The following ERCC8 variants were observed in gnomAD, a reference collection of about 807,000 sequenced individuals.
ERCC8 encodes the protein DNA excision repair protein ERCC-8.
ERCC8 carries 52 observed loss-of-function variants against 54.9 expected under a neutral mutation model. The ratio of observed to expected loss-of-function variants is 0.95; its 90% CI spans 0.76 to 1.19. ERCC8 has a LOEUF of 1.19. Ranked by LOEUF, ERCC8 falls within the 50% of genes most tolerant of loss-of-function variation. The pLI, the probability that ERCC8 is intolerant of heterozygous loss-of-function variation, is 0.00. For missense variants in ERCC8, 514 were observed against 466.1 expected (o/e 1.10, Z -0.95); for synonymous variants, 146 against 157.2 (o/e 0.93, Z 0.53).
At chr5:60,900,206 A>G (rs1748835826) in intron 7 of ERCC8, among the ~76,000 whole-genome samples, 1 of 152,064 alleles carries the variant, frequency 6.6e-6, no homozygotes, top group South Asian at 2.1e-4. Flanking sequence ...AATAATGAGG[A>G]CAATGCATTT....
intron 2 of ERCC8, among the ~76,000 whole-genome samples, chr5:60,925,524 T>C (rs776260422): frequency 2.0e-5 from 3 of 152,222 alleles, no homozygotes; most frequent in South Asian, 2.1e-4. Flanking sequence ...TGAGCTGCTG[T>C]AGTCAAATTT....
chr5:60,881,192 A>C (rs543352993), intron 11 of ERCC8, among the ~76,000 whole-genome samples: 71 of 152,250 alleles, frequency 4.7e-4, no homozygotes, highest in African/African-American at 1.6e-3. Flanking sequence ...GGTGAATAGC[A>C]AATGTTGCTA....
At chr5:60,892,676 G>T in intron 9 of ERCC8, 1 of 666,518 alleles carries the variant, frequency 1.5e-6, no homozygotes, top group East Asian at 2.7e-5. Context: ...CTGGGGTCAT[G>T]GGGTCTGCCA....
chr5:60,880,408 G>A (rs1042101196), intron 11 of ERCC8, among the ~76,000 whole-genome samples: 4 of 152,134 alleles, frequency 2.6e-5, no homozygotes, highest in Non-Finnish European at 5.9e-5. Flanking sequence ...TTGAATGTTG[G>A]CCTGACTTGC....
chr5:60,900,142 G>A (rs1748834158), intron 7 of ERCC8, among the ~76,000 whole-genome samples: 1 of 151,812 alleles, frequency 6.6e-6, no homozygotes, highest in South Asian at 2.1e-4. Flanking sequence ...GAATCCATTT[G>A]GTATGATTTG....
chr5:60,878,561 T>C (rs1039104304), intron 11 of ERCC8, among the ~76,000 whole-genome samples: 1 of 152,210 alleles, frequency 6.6e-6, no homozygotes, highest in African/African-American at 2.4e-5. Context: ...CTGTTATTGG[T>C]CTATTCAGAG....
chr5:60,879,275 A>T (rs1393930046), intron 11 of ERCC8, among the ~76,000 whole-genome samples: 2 of 151,964 alleles, frequency 1.3e-5, no homozygotes, highest in Non-Finnish European at 2.9e-5. Flanking sequence ...TGCTGAGGAG[A>T]GCTTTACTTC....
intron 11 of ERCC8, among the ~76,000 whole-genome samples, chr5:60,881,629 G>A (rs1262878919): frequency 2.6e-5 from 4 of 152,324 alleles, no homozygotes; most frequent in East Asian, 3.9e-4. Context: ...AGCAATGGGC[G>A]AGGCTCTGTG....
intron 11 of ERCC8, among the ~76,000 whole-genome samples, chr5:60,883,773 C>A (rs1044077933): frequency 6.6e-6 from 1 of 152,070 alleles, no homozygotes; most frequent in Admixed American, 6.5e-5. Context: ...AGATCTCAGG[C>A]AGGAAAAAGT....
chr5:60,909,243 GAAAAAAAAAAAAAAAAAAAAA>G (rs60064294), intron 4 of ERCC8, among the ~76,000 whole-genome samples: 1,913 of 20,034 alleles, frequency 0.095, 96 homozygotes, highest in African/African-American at 0.26. Context: ...GCCCTATTCT[GAAAAAAAAAAAAAAAAAAAAA>G]AAAAAAAAAA....
chr5:60,887,473 T>C lies in ERCC8; in HGVS notation c.1089A>G (p.Pro363=). 2 of 1,613,984 alleles carry C rather than the reference T, an allele frequency of 1.2e-6. No individual in the cohort carries two copies. Among genetic ancestry groups the C allele is most frequent in the South Asian group, 2.2e-5 (2 of 91,080 alleles). The change falls in exon 11 of 12, where the codon CCA becomes CCG. Residue 363 remains proline (P), a synonymous_variant. Coordinates refer to ENST00000676185, the MANE Select transcript of ERCC8 (RefSeq NM_000082.4). Reference sequence around the variant, plus strand: ...CATCAGGAACTGGTTCATATAAGGATGGAACCCAAGCCAGAATGTTGCAGT... The same window carrying C: ...CATCAGGAACTGGTTCATATAAGGACGGAACCCAAGCCAGAATGTTGCAGT... ...SRDCNILAWV[P]SLYEPVPDDD...
At chr5:60,881,640 G>T (rs1748230234) in intron 11 of ERCC8, among the ~76,000 whole-genome samples, 1 of 152,198 alleles carries the variant, frequency 6.6e-6, no homozygotes, top group Admixed American at 6.5e-5. Context: ...AGGCTCTGTG[G>T]GCGTCGGACC....
intron 1 of ERCC8, among the ~76,000 whole-genome samples, chr5:60,938,723 T>C (rs954302503): frequency 1.3e-5 from 2 of 152,248 alleles, no homozygotes; most frequent in Non-Finnish European, 2.9e-5. Context: ...ACAAAAAGTA[T>C]GTACGTTCTC....
chr5:60,881,136 C>T (rs913502391), intron 11 of ERCC8, among the ~76,000 whole-genome samples: 11 of 148,630 alleles, frequency 7.4e-5, no homozygotes, highest in African/African-American at 2.8e-4. Flanking sequence ...CCCCTCCAGA[C>T]CGTTTGCCTG....
At chr5:60,941,654 G>A (rs1010961732) in intron 1 of ERCC8, among the ~76,000 whole-genome samples, 3 of 152,126 alleles carry the variant, frequency 2.0e-5, no homozygotes, top group African/African-American at 2.4e-5. Context: ...AACTAAAGAC[G>A]AAGTCTTCAA....
chr5:60,883,074 C>T (rs905245958), intron 11 of ERCC8, among the ~76,000 whole-genome samples: 1 of 151,692 alleles, frequency 6.6e-6, no homozygotes, highest in Non-Finnish European at 1.5e-5. Context: ...CAGTGTGTAA[C>T]CTATTAAAAA....
chr5:60,937,541 C>T (rs1750104064), intron 1 of ERCC8, among the ~76,000 whole-genome samples: 1 of 152,152 alleles, frequency 6.6e-6, no homozygotes, highest in South Asian at 2.1e-4. Context: ...TTATGGCTGC[C>T]TCTGCTGTGT....
chr5:60,906,484 T>C (rs1273230798), intron 4 of ERCC8, among the ~76,000 whole-genome samples: 3 of 152,064 alleles, frequency 2.0e-5, no homozygotes, highest in African/African-American at 7.2e-5. Context: ...ATCCCAGTAC[T>C]TTGGGAGGCC....
rs12652878 is a variant in ERCC8 at position 60,868,949 on chromosome 5, C to T, written c.*5666G>A. On this transcript the variant is annotated 3_prime_UTR_variant, in exon 12 of 12. Transcript: ENST00000676185. ...AATTAGCTTTCCCTGCTATATTTTT[C>T]GACAGGCAATATTCTAATTGTGCTA... Among the ~76,000 whole-genome samples, 58,773 of 151,958 alleles carry T rather than the reference C, an allele frequency of 0.39. 12,381 individuals are homozygous for T. Among genetic ancestry groups the T allele is most frequent in the East Asian group, 0.8 (4,151 of 5,176 alleles).
Sources: gnomAD v4.1 joint callset for allele counts (sites outside exome capture counted in the v4.1 genomes callset) on GRCh38, gnomAD v4.1.1 for gene constraint, MANE v1.5 for transcripts, NCBI Gene and HGNC (gene_info 2026-07-23, HGNC 2026-07-21) for gene names.